SPEN: variants seen among roughly 807,000 people sequenced by gnomAD.
The protein encoded by SPEN is msx2-interacting protein.
A neutral mutation model predicts 269.9 loss-of-function variants in SPEN; 18 were observed. The observed-to-expected ratio is 0.07, with a 90% CI of 0.05 to 0.10. The LOEUF (loss-of-function observed/expected upper bound fraction) is 0.10, where lower values mean the gene tolerates loss of function less well. SPEN is among the 10% of genes least tolerant of loss of function. SPEN has a pLI of 1.00. For synonymous variants in SPEN, 1,726 were observed against 1,765.7 expected (o/e 0.98, Z 0.56); for missense variants, 3,822 against 4,631.2 (o/e 0.83, Z 5.07).
intron 1 of SPEN, among the ~76,000 whole-genome samples, chr1:15,854,542 C>A (rs575059733): frequency 1.3e-5 from 2 of 152,028 alleles, no homozygotes; most frequent in Non-Finnish European, 2.9e-5. Flanking sequence ...GGCTGGAGTG[C>A]AATGGTGCTA....
chr1:15,917,288 T>C (rs1157608805), intron 6 of SPEN, among the ~76,000 whole-genome samples: 1 of 152,238 alleles, frequency 6.6e-6, no homozygotes, highest in African/African-American at 2.4e-5. Context: ...AAGTCATTGT[T>C]AGATTAAGGG....
rs1170139176 is a variant in SPEN at position 15,932,334 on chromosome 1, G to A, written c.6094G>A (p.Ala2032Thr). 1.7e-5 allele frequency: 27 copies of A among 1,613,510 alleles called. No homozygotes were observed. The highest frequency in any genetic ancestry group is 2.2e-5 in the Non-Finnish European group (26 of 1,179,856). ...GVKESSMEPKAAEEEAGSEQK... is the reference protein window; with the variant it reads ...GVKESSMEPKTAEEEAGSEQK... ...GAAAGAGAGCTCCATGGAACCCAAG[G>A]CTGCTGAGGAGGAGGCAGGGAGTGA... The change falls in exon 11 of 15, where the codon GCT becomes ACT. Residue 2032 changes from alanine (A) to threonine (T), a missense_variant. Around this residue, in one of 16 missense-constraint regions of SPEN, gnomAD observed 727 missense variants for 737.9 expected, o/e 0.99. Coordinates refer to ENST00000375759, the MANE Select transcript of SPEN (RefSeq NM_015001.3). This position sits in a 1 kb window ranked among gnomAD's most constrained non-coding sequence, Gnocchi z 4.2.
chr1:15,898,239 T>G (rs2148722577), intron 3 of SPEN, among the ~76,000 whole-genome samples: 1 of 151,884 alleles, frequency 6.6e-6, no homozygotes, highest in Non-Finnish European at 1.5e-5. Flanking sequence ...TTAACGACTT[T>G]TAAGTGTTCA....
At chr1:15,860,737 G>A (rs2070439985) in intron 1 of SPEN, among the ~76,000 whole-genome samples, 1 of 151,594 alleles carries the variant, frequency 6.6e-6, no homozygotes, top group East Asian at 1.9e-4. Flanking sequence ...TGAGTAGCTG[G>A]ACTACAGGCA....
intron 3 of SPEN, among the ~76,000 whole-genome samples, chr1:15,888,757 G>C (rs543398036): frequency 1.4e-4 from 21 of 151,544 alleles, no homozygotes; most frequent in Admixed American, 7.9e-4. Context: ...CTCAGTCTTC[G>C]GAATAGCTGG....
At chr1:15,901,988 G>T (rs1434572080) in intron 3 of SPEN, among the ~76,000 whole-genome samples, 4 of 144,614 alleles carry the variant, frequency 2.8e-5, no homozygotes, top group African/African-American at 1.0e-4. Flanking sequence ...GAATGCAGTG[G>T]CATGATTTCG....
At position 15,933,190 on chromosome 1, in the gene SPEN, G is replaced by A. The variant is rs768625321; in HGVS notation, c.6950G>A (p.Gly2317Glu). The A allele has an allele frequency of 1.5e-5, 24 of 1,614,026 alleles. No individual in the cohort carries two copies. The highest frequency in any genetic ancestry group is 2.7e-5 in the African/African-American group (2 of 74,896). Residue 2317 changes from glycine (G) to glutamate (E), a missense_variant, in exon 11 of 15, where the codon GGG (glycine) becomes GAG (glutamate). Coordinates refer to ENST00000375759, the MANE Select transcript of SPEN (RefSeq NM_015001.3). This position sits in a 1 kb window ranked among gnomAD's most constrained non-coding sequence, Gnocchi z 5.7. The stretch of plus-strand genomic sequence containing the variant: ...TCACACTCAGTGCCAGAAGCCAAAG[G>A]GTCTAAAGAAGTGGAAGTCACTCTT... ...ETSHSVPEAKGSKEVEVTLVR... is the reference protein window; with the variant it reads ...ETSHSVPEAKESKEVEVTLVR...
At chr1:15,880,919 G>A (rs533193446) in intron 3 of SPEN, among the ~76,000 whole-genome samples, 24 of 152,272 alleles carry the variant, frequency 1.6e-4, no homozygotes, top group African/African-American at 5.5e-4. Flanking sequence ...TGGGCAGAAG[G>A]AACAACCTGA....
At chr1:15,903,712 C>G (rs1481158322) in intron 3 of SPEN, among the ~76,000 whole-genome samples, 6 of 152,168 alleles carry the variant, frequency 3.9e-5, no homozygotes, top group Non-Finnish European at 8.8e-5. Flanking sequence ...GCATGCTGGT[C>G]TCAAACTCCT....
intron 3 of SPEN, among the ~76,000 whole-genome samples, chr1:15,903,308 T>G (rs1466370216): frequency 6.6e-6 from 1 of 152,228 alleles, no homozygotes; most frequent in Non-Finnish European, 1.5e-5. Flanking sequence ...ACTGGTCAGA[T>G]CTGGTTCTTC....
intron 3 of SPEN, among the ~76,000 whole-genome samples, chr1:15,887,649 A>T (rs2070749555): frequency 6.6e-6 from 1 of 151,038 alleles, no homozygotes; most frequent in Non-Finnish European, 1.5e-5. Context: ...GTCTGATGGT[A>T]TGTTCCTGTA....
In SPEN at chr1:15,935,987, CG is replaced by C; in HGVS notation, c.9748del (p.Val3250SerfsTer34). On this transcript the variant is annotated frameshift_variant, in exon 11 of 15. Transcript: ENST00000375759. LOFTEE classifies it high-confidence loss of function. The surrounding 1 kb of genome is among the most constrained non-coding windows in gnomAD (Gnocchi z 7.7). ...KAAPTPTPAP[V>X]PVPVPLPAPA... ...CTGCCCCCACCCCCACCCCTGCCCC[CG>C]TCCCTGTCCCTGTCCCCCTTCCTGC... 6.3e-7 allele frequency: 1 copy of C among 1,589,264 alleles called. No homozygotes were observed. Among genetic ancestry groups the C allele is most frequent in the Non-Finnish European group, 8.6e-7 (1 of 1,168,954 alleles).
At position 15,848,481 on chromosome 1, in the gene SPEN, C is replaced by A. The variant is rs1019447298; in HGVS notation, c.83+331C>A. Among the ~76,000 whole-genome samples the A allele has an allele frequency of 4.0e-5, 6 of 151,844 alleles. No individual in the cohort carries two copies. Among genetic ancestry groups the A allele is most frequent in the African/African-American group, 1.4e-4 (6 of 41,388 alleles). ...TCAGCCCGGGAGTCGGTGGGAGATGCGCTGGGCGGCGGGGTCGCGTCCTTG... is the reference window on the plus strand; with the variant it reads ...TCAGCCCGGGAGTCGGTGGGAGATGAGCTGGGCGGCGGGGTCGCGTCCTTG... On this transcript the variant is annotated intron_variant, in intron 1 of 14. Transcript: ENST00000375759. The surrounding 1 kb of genome is among the most constrained non-coding windows in gnomAD (Gnocchi z 5.1).
At chr1:15,894,779 C>T (rs1209936114) in intron 3 of SPEN, among the ~76,000 whole-genome samples, 1 of 151,966 alleles carries the variant, frequency 6.6e-6, no homozygotes, top group Non-Finnish European at 1.5e-5. Flanking sequence ...TCCTGATCTG[C>T]CTGCCTTGGC....
chr1:15,909,886 G>C (rs1416712750), intron 4 of SPEN, among the ~76,000 whole-genome samples: 1 of 152,086 alleles, frequency 6.6e-6, no homozygotes, highest in Non-Finnish European at 1.5e-5. Context: ...AGCACTTTGG[G>C]AGGCCGAGGC....
intron 1 of SPEN, among the ~76,000 whole-genome samples, chr1:15,851,187 G>C (rs1015634577): frequency 1.3e-5 from 2 of 152,154 alleles, no homozygotes; most frequent in African/African-American, 4.8e-5. Flanking sequence ...ACAGTAGATT[G>C]AGGGGTGGAT....
In SPEN at chr1:15,930,860, C is replaced by T; in HGVS notation, c.4620C>T (p.Ser1540=). 6.2e-7 allele frequency: 1 copy of T among 1,614,058 alleles called. No individual in the cohort carries two copies. Among genetic ancestry groups the T allele is most frequent in the South Asian group, 1.1e-5 (1 of 91,082 alleles). The change falls in exon 11 of 15, where the codon TCC becomes TCT. Residue 1540 remains serine, a synonymous_variant. Transcript: ENST00000375759. The surrounding 1 kb of genome is among the most constrained non-coding windows in gnomAD (Gnocchi z 5.3). Reference sequence around the variant, plus strand: ...ACAGCTCAATCTTTGAACAAGATTCCAAGCGATTGCAGCATCTAGAGAGAA... The same window carrying T: ...ACAGCTCAATCTTTGAACAAGATTCTAAGCGATTGCAGCATCTAGAGAGAA... The part of the protein sequence containing the change: ...FLHSSIFEQD[S]KRLQHLERKE...
intron 5 of SPEN, among the ~76,000 whole-genome samples, chr1:15,915,666 C>T (rs1197470226): frequency 6.6e-6 from 1 of 152,128 alleles, no homozygotes; most frequent in East Asian, 1.9e-4. Context: ...TCCCAAATAG[C>T]TGAGAATACA....
At chr1:15,912,219 AT>A (rs1308623211) in intron 5 of SPEN, among the ~76,000 whole-genome samples, 1 of 152,162 alleles carries the variant, frequency 6.6e-6, no homozygotes, top group Non-Finnish European at 1.5e-5. Flanking sequence ...TTGCATTGGC[AT>A]TTCTCCTGTT....
Sources: gnomAD v4.1 joint callset for allele counts (sites outside exome capture counted in the v4.1 genomes callset) on GRCh38, gnomAD v4.1.1 for gene constraint, gnomAD v4.1.1 regional missense constraint, Gnocchi (gnomAD v3.1) non-coding constraint, MANE v1.5 for transcripts, NCBI Gene and HGNC (gene_info 2026-07-23, HGNC 2026-07-21) for gene names.